The following ERG variants were observed in gnomAD, a reference collection of about 807,000 sequenced individuals.
The protein encoded by ERG is ETS transcription factor ERG.
Under a neutral mutation model 55.3 loss-of-function variants are expected in ERG, and 9 were observed. The observed-to-expected ratio is 0.16, with a 90% CI of 0.10 to 0.28. ERG has a LOEUF of 0.28. ERG is among the 10% of genes least tolerant of loss of function. The pLI is 1.00. For synonymous variants in ERG, 223 were observed against 237.3 expected, an observed-to-expected ratio of 0.94 and a Z score of 0.55; for missense variants, 434 against 631.6, an observed-to-expected ratio of 0.69 and a Z score of 3.35.
At chr21:38,560,230 G>A (rs1026338464) in intron 2 of ERG, among the ~76,000 whole-genome samples, 6 of 152,194 alleles carry the variant, frequency 3.9e-5, no homozygotes, top group Non-Finnish European at 5.9e-5. Context: ...TAACCCTGCT[G>A]GAGCTTCAGA....
At chr21:38,526,784 G>A (rs2059633206) in intron 2 of ERG, among the ~76,000 whole-genome samples, 1 of 151,976 alleles carries the variant, frequency 6.6e-6, no homozygotes, top group Non-Finnish European at 1.5e-5. Flanking sequence ...AAATGTTACC[G>A]TTTAAAATAA....
chr21:38,632,615 C>T (rs1172377928), intron 1 of ERG, among the ~76,000 whole-genome samples: 1 of 151,958 alleles, frequency 6.6e-6, no homozygotes, highest in Admixed American at 6.6e-5. Flanking sequence ...TGCACATGCT[C>T]TCTCTCTCTC....
the ERG span, among the ~76,000 whole-genome samples, chr21:38,371,655 G>T: frequency 5.1e-4 from 78 of 151,998 alleles, 1 homozygote; most frequent in African/African-American, 1.8e-3. Flanking sequence ...TCATGTGGGG[G>T]ATACATTAAT....
intron 1 of ERG, among the ~76,000 whole-genome samples, chr21:38,497,607 T>G (rs1346150298): frequency 5.3e-5 from 8 of 152,098 alleles, no homozygotes; most frequent in Non-Finnish European, 1.2e-4. Context: ...TCCACATTAA[T>G]CTCTACATGC....
intron 2 of ERG, among the ~76,000 whole-genome samples, chr21:38,525,040 T>A (rs888043901): frequency 2.0e-5 from 3 of 152,168 alleles, no homozygotes; most frequent in Non-Finnish European, 2.9e-5. Flanking sequence ...TGCTTCCACA[T>A]CAAGCAACTA....
intron 2 of ERG, among the ~76,000 whole-genome samples, chr21:38,507,330 A>G (rs1186276452): frequency 6.6e-6 from 1 of 152,212 alleles, no homozygotes; most frequent in African/African-American, 2.4e-5. Flanking sequence ...GGTGACCCCG[A>G]TGCGTCATTT....
chr21:38,634,664 C>T (rs2060377547), intron 1 of ERG, among the ~76,000 whole-genome samples: 1 of 152,152 alleles, frequency 6.6e-6, no homozygotes, highest in African/African-American at 2.4e-5. Context: ...GCACGAAGAC[C>T]CAATATTCCA....
intron 2 of ERG, among the ~76,000 whole-genome samples, chr21:38,540,730 G>A (rs1047634544): frequency 1.3e-5 from 2 of 152,146 alleles, no homozygotes; most frequent in African/African-American, 4.8e-5. Flanking sequence ...ATCCTTGCTA[G>A]GAATTAGGCT....
At chr21:38,504,044 G>A (rs1056930383) in intron 2 of ERG, among the ~76,000 whole-genome samples, 2 of 152,102 alleles carry the variant, frequency 1.3e-5, no homozygotes, top group Non-Finnish European at 2.9e-5. Context: ...GTGTGTGGGG[G>A]GGTAGGGGAG....
chr21:38,441,364 T>G (rs2298336), intron 2 of ERG, among the ~76,000 whole-genome samples: 5 of 151,964 alleles, frequency 3.3e-5, no homozygotes, highest in Admixed American at 1.3e-4. Flanking sequence ...GAGTGGGCCT[T>G]GTCTAATCAG....
intron 3 of ERG, among the ~76,000 whole-genome samples, chr21:38,415,917 C>T (rs376409341): frequency 6.6e-6 from 1 of 152,202 alleles, no homozygotes; most frequent in Non-Finnish European, 1.5e-5. Flanking sequence ...AAGACATGAT[C>T]ATCACCTCAC....
chr21:38,488,225 T>G (rs1316665731), intron 1 of ERG, among the ~76,000 whole-genome samples: 1 of 152,082 alleles, frequency 6.6e-6, no homozygotes, highest in Non-Finnish European at 1.5e-5. Context: ...CCAAAGGGGG[T>G]ACCCTTCAAC....
intron 2 of ERG, among the ~76,000 whole-genome samples, chr21:38,541,037 T>C (rs9981003): frequency 0.18 from 27,797 of 151,904 alleles, 2,824 homozygotes; most frequent in African/African-American, 0.28. Context: ...GGAATTCGTG[T>C]GCTGCAAATT....
In ERG at chr21:38,582,095, TC is replaced by T. The variant is rs2060033240; in HGVS notation, c.-127+2748del. On this transcript the variant is annotated intron_variant, in intron 1 of 8. Coordinates refer to the ERG transcript ENST00000398897. ...CAGAGGCTCCTGTACTTGGAATCCT[TC>T]CAGACCTTGCCCTGTGCACCTCTTC... Among the ~76,000 whole-genome samples, 3 of 151,052 alleles carry T rather than the reference TC, an allele frequency of 2.0e-5. No homozygotes were observed. The South Asian group carries it at 6.3e-4, about 32-fold the overall frequency.
rs140060527 is a variant in ERG at position 38,460,612 on chromosome 21, G to A, written c.19-14991C>T. Among the ~76,000 whole-genome samples the A allele has an allele frequency of 3.5e-4, 54 of 152,262 alleles. No individual in the cohort carries two copies. The highest frequency in any genetic ancestry group is 1.3e-3 in the African/African-American group (53 of 41,558). On this transcript the variant is annotated intron_variant, in intron 1 of 9. Coordinates refer to ENST00000288319, the MANE Select transcript of ERG (RefSeq NM_182918.4). The surrounding 1 kb of genome is among the most constrained non-coding windows in gnomAD (Gnocchi z 5.0). Reference sequence around the variant, plus strand: ...ACTGAGAATCTGTACTTTTCATTCAGAGTCTGCAAGGGGTCACGGCCATTT... The same window carrying A: ...ACTGAGAATCTGTACTTTTCATTCAAAGTCTGCAAGGGGTCACGGCCATTT...
At chr21:38,642,874 G>C (rs2060433716) in intron 1 of ERG, among the ~76,000 whole-genome samples, 1 of 152,252 alleles carries the variant, frequency 6.6e-6, no homozygotes, top group Admixed American at 6.5e-5. Flanking sequence ...TTACTCCCCA[G>C]CTTGAGGAAA....
At chr21:38,367,620 T>C in the ERG span, 1 of 523,616 alleles carries the variant, frequency 1.9e-6, no homozygotes, top group Non-Finnish European at 3.7e-6. Flanking sequence ...CTATATTCTA[T>C]TCATTAAAAG....
upstream of ERG, among the ~76,000 whole-genome samples, chr21:38,589,163 G>A (rs2060084805): frequency 6.6e-6 from 1 of 152,168 alleles, no homozygotes; most frequent in African/African-American, 2.4e-5. Flanking sequence ...GGTGGAACTG[G>A]CTACTGTGAA....
At chr21:38,469,566 TCTC>T (rs1166123243) in intron 1 of ERG, among the ~76,000 whole-genome samples, 1 of 152,208 alleles carries the variant, frequency 6.6e-6, no homozygotes, top group African/African-American at 2.4e-5. Context: ...TTTGGGCTAT[TCTC>T]CTTCTTTCCT....
Sources: gnomAD v4.1 joint callset for allele counts (sites outside exome capture counted in the v4.1 genomes callset) on GRCh38, gnomAD v4.1.1 for gene constraint, Gnocchi (gnomAD v3.1) non-coding constraint, MANE v1.5 for transcripts, NCBI Gene and HGNC (gene_info 2026-07-23, HGNC 2026-07-21) for gene names.